XRCC2: variants seen among roughly 807,000 people sequenced by gnomAD.
XRCC2 encodes the protein X-ray repair cross complementing 2.
In XRCC2, 24 loss-of-function variants were observed where a neutral mutation model predicts 27.3. That is an observed-to-expected ratio of 0.88 (90% CI 0.64 to 1.24). The LOEUF (loss-of-function observed/expected upper bound fraction) is 1.24, where lower values mean the gene tolerates loss of function less well. Among genes scored for constraint, XRCC2 ranks in the 50% most tolerant of loss-of-function variants. The pLI is 0.00. For missense variants in XRCC2, 321 were observed against 325.8 expected, an observed-to-expected ratio of 0.99 and a Z score of 0.11; for synonymous variants, 106 against 115.4, an observed-to-expected ratio of 0.92 and a Z score of 0.52.
chr7:152,665,302 G>T (rs1468114779), intron 1 of XRCC2, among the ~76,000 whole-genome samples: 1 of 152,010 alleles, frequency 6.6e-6, no homozygotes, highest in Non-Finnish European at 1.5e-5. Flanking sequence ...TGCTGCCCTG[G>T]TAACAATGTG....
chr7:152,673,998 T>C (rs1315249211), intron 1 of XRCC2, among the ~76,000 whole-genome samples: 1 of 152,214 alleles, frequency 6.6e-6, no homozygotes. Flanking sequence ...GCAAAGAAGC[T>C]AGAGTTCAAA....
chr7:152,663,699 C>A (rs1354474528), intron 1 of XRCC2, among the ~76,000 whole-genome samples: 2 of 152,066 alleles, frequency 1.3e-5, no homozygotes, highest in African/African-American at 2.4e-5. Flanking sequence ...ATTGGCTGGG[C>A]ATGGTGGCAT....
rs760436323 is a variant in XRCC2, at chr7:152,676,096, C to A, written c.-17G>T. 2.0e-5 allele frequency: 32 copies of A among 1,613,580 alleles called. No homozygotes were observed. The highest frequency in any genetic ancestry group is 2.7e-5 in the Non-Finnish European group (32 of 1,179,792). On this transcript the variant is annotated 5_prime_UTR_variant, in exon 1 of 3. Coordinates refer to ENST00000359321, the MANE Select transcript of XRCC2 (RefSeq NM_005431.2). ...ACTACACATCGCCCCGAAGGCTCGG[C>A]GCAGGAGAGACTCAACTTTCCCGCC...
chr7:152,656,783 G>C (rs1052114553), intron 2 of XRCC2, among the ~76,000 whole-genome samples: 2 of 152,202 alleles, frequency 1.3e-5, no homozygotes, highest in Middle Eastern at 3.4e-3. Context: ...TTACATATTT[G>C]ATCAAAATTT....
chr7:152,656,696 ATT>A (rs1253096376), intron 2 of XRCC2, among the ~76,000 whole-genome samples: 7 of 152,202 alleles, frequency 4.6e-5, no homozygotes, highest in African/African-American at 1.7e-4. Context: ...ATTTTAACAT[ATT>A]GTCAGTTTCA....
rs1046631077 is a variant in XRCC2 at position 152,649,204 on chromosome 7, G to A, written c.281C>T (p.Thr94Ile). ...DYHFDMLRLV[T>I]ILEHRLSQSS... ...TTGGGATAGTCTGTGCTCAAGAATTGTAACTAGCCGGAGCATATCAAAGTG... is the reference window on the plus strand; with the variant it reads ...TTGGGATAGTCTGTGCTCAAGAATTATAACTAGCCGGAGCATATCAAAGTG... Residue 94 changes from threonine to isoleucine, a missense_variant, in exon 3 of 3, where the codon ACA (threonine) becomes ATA (isoleucine). By Grantham distance (89) the Thr-to-Ile change is moderately conservative. Transcript: ENST00000359321. 1 of 1,613,814 alleles carries A rather than the reference G, an allele frequency of 6.2e-7. No individual in the cohort carries two copies. The highest frequency in any genetic ancestry group is 8.5e-7 in the Non-Finnish European group (1 of 1,180,010).
At chr7:152,657,286 T>C (rs1373407806) in intron 2 of XRCC2, among the ~76,000 whole-genome samples, 1 of 152,082 alleles carries the variant, frequency 6.6e-6, no homozygotes, top group African/African-American at 2.4e-5. Context: ...TAACTGTTTT[T>C]TCATCTATCT....
At chr7:152,653,894 A>G (rs2098029588) in intron 2 of XRCC2, among the ~76,000 whole-genome samples, 1 of 152,124 alleles carries the variant, frequency 6.6e-6, no homozygotes, top group Admixed American at 6.6e-5. Flanking sequence ...AGCCACTAAA[A>G]TTTAAGATTC....
At chr7:152,673,079 G>T (rs191723471) in intron 1 of XRCC2, among the ~76,000 whole-genome samples, 1 of 152,232 alleles carries the variant, frequency 6.6e-6, no homozygotes, top group East Asian at 1.9e-4. Flanking sequence ...TTGTTCTATT[G>T]TAAACTGTAG....
intron 1 of XRCC2, among the ~76,000 whole-genome samples, chr7:152,667,083 CCT>C (rs1356152877): frequency 6.6e-6 from 1 of 152,050 alleles, no homozygotes; most frequent in Non-Finnish European, 1.5e-5. Flanking sequence ...AATCCTCACC[CCT>C]GAGAAATCCT....
intron 1 of XRCC2, among the ~76,000 whole-genome samples, chr7:152,671,074 C>T (rs2098037978): frequency 6.6e-6 from 1 of 152,050 alleles, no homozygotes; most frequent in Admixed American, 6.6e-5. Context: ...AATTAGCTAG[C>T]TATGGTGGCA....
chr7:152,648,715 G>A lies in XRCC2; in HGVS notation c.770C>T (p.Ser257Leu), dbSNP rs730882047. Reference sequence around the variant, plus strand: ...TAAACTGTTACTTTTTAAACAACGTGAAACTAATGAAAATTGGTTGCTGCT... The same window carrying A: ...TAAACTGTTACTTTTTAAACAACGTAAAACTAATGAAAATTGGTTGCTGCT... ...SQSSNQFSLV[S>L]RCLKSNSLKK... Residue 257 changes from serine to leucine, a missense_variant, in exon 3 of 3, where the codon TCA becomes TTA. By Grantham distance (145) the Ser-to-Leu change is moderately radical. Transcript: ENST00000359321. 4 of 1,612,752 alleles carry A rather than the reference G, an allele frequency of 2.5e-6. No homozygotes were observed. Among genetic ancestry groups the A allele is most frequent in the Admixed American group, 1.7e-5 (1 of 59,672 alleles).
chr7:152,651,985 G>A (rs2098028714), intron 2 of XRCC2, among the ~76,000 whole-genome samples: 1 of 151,692 alleles, frequency 6.6e-6, no homozygotes, highest in African/African-American at 2.4e-5. Flanking sequence ...GGGCAACATA[G>A]GGAGACCCTG....
chr7:152,662,405 G>A (rs2098033508), intron 1 of XRCC2, among the ~76,000 whole-genome samples: 1 of 151,628 alleles, frequency 6.6e-6, no homozygotes, highest in African/African-American at 2.4e-5. Context: ...GAAGTCATTA[G>A]GATCACAGGG....
intron 2 of XRCC2, among the ~76,000 whole-genome samples, chr7:152,656,449 C>T (rs1311118072): frequency 6.6e-6 from 1 of 152,178 alleles, no homozygotes; most frequent in East Asian, 1.9e-4. Flanking sequence ...AATCTTACTA[C>T]TTCAACTTAA....
intron 1 of XRCC2, among the ~76,000 whole-genome samples, chr7:152,669,274 G>A (rs1169566538): frequency 6.6e-6 from 1 of 152,148 alleles, no homozygotes; most frequent in Non-Finnish European, 1.5e-5. Context: ...CTGTCTGGGC[G>A]ATTATCTGAC....
At chr7:152,649,430 C>T (rs986063330) in intron 2 of XRCC2, 67 bp from the exon 3 acceptor site, 1 of 1,496,638 alleles carries the variant, frequency 6.7e-7, no homozygotes, top group African/African-American at 1.4e-5. Context: ...AATGCAAAGT[C>T]TGCAAAAAAG....
chr7:152,675,939 C>G, intron 1 of XRCC2, 102 bp downstream of exon 1: 1 of 1,524,136 alleles, frequency 6.6e-7, no homozygotes, highest in Non-Finnish European at 9.0e-7. Context: ...CCGGCCAGGC[C>G]GCGCCGCCCC....
intron 2 of XRCC2, among the ~76,000 whole-genome samples, chr7:152,652,942 C>A (rs1351005104): frequency 2.0e-5 from 3 of 152,122 alleles, no homozygotes; most frequent in Non-Finnish European, 4.4e-5. Context: ...GGAGGCAAAG[C>A]AAGAGGAGCA....
Sources: allele counts gnomAD v4.1 joint callset (sites outside exome capture counted in the v4.1 genomes callset), GRCh38; gene constraint gnomAD v4.1.1; transcripts MANE v1.5; gene names NCBI Gene and HGNC (gene_info 2026-07-23, HGNC 2026-07-21).